Variants in POU2F2 observed in about 807,000 individuals in gnomAD.
POU2F2 encodes POU domain, class 2, transcription factor 2.
Under a neutral mutation model 63.5 loss-of-function variants are expected in POU2F2, and 14 were observed. The observed-to-expected ratio is 0.22, with a 90% CI of 0.15 to 0.34. The LOEUF is 0.34. Ranked by LOEUF, POU2F2 falls within the 10% of genes least tolerant of loss-of-function variation. The pLI is 1.00. For synonymous variants in POU2F2, 306 were observed against 348.6 expected (o/e 0.88, Z 1.36); for missense variants, 607 against 815.2 (o/e 0.74, Z 3.11).
intron 2 of POU2F2, chr19:42,157,148 C>G (rs186175877): frequency 3.9e-5 from 6 of 152,372 alleles, no homozygotes; most frequent in African/African-American, 1.4e-4. Flanking sequence ...GCTGTGAGGA[C>G]TCTAAGGCCA....
In POU2F2 at chr19:42,092,270, A is replaced by G. The variant is rs755730608; in HGVS notation, c.1265T>C (p.Val422Ala). ...SQASSSLSTT[V>A]TTLSSAVGTL... ...CCCCACAGCTGAGGATAAGGTAGTA[A>G]CTGCCAGAGAGAGACAGAAAGATGG... Residue 422 changes from valine (V) to alanine (A), a missense_variant and splice_region_variant, in exon 13 of 15, where the codon GTT becomes GCT. Transcript: ENST00000692977. The surrounding 1 kb of genome is among the most constrained non-coding windows in gnomAD (Gnocchi z 5.0). 6.5e-7 allele frequency: 1 copy of G among 1,548,164 alleles called. No homozygotes were observed. Among genetic ancestry groups the G allele is most frequent in the East Asian group, 2.4e-5 (1 of 41,558 alleles).
intron 5 of POU2F2, among the ~76,000 whole-genome samples, chr19:42,109,440 G>A (rs1600059228): frequency 6.6e-6 from 1 of 152,330 alleles, no homozygotes; most frequent in Non-Finnish European, 1.5e-5. Flanking sequence ...ACAGGAAGGA[G>A]TGGGGTCTGG....
Position 42,096,397 on chromosome 19 carries a change from C to T in POU2F2, c.568-154G>A, listed in dbSNP as rs1025595606. Among the ~76,000 whole-genome samples, 5 of 152,216 alleles carry T rather than the reference C, an allele frequency of 3.3e-5. No individual in the cohort carries two copies. Among genetic ancestry groups the T allele is most frequent in the African/African-American group, 1.2e-4 (5 of 41,440 alleles). On this transcript the variant is annotated intron_variant, in intron 7 of 14. Transcript: ENST00000692977. This position sits in a 1 kb window ranked among gnomAD's most constrained non-coding sequence, Gnocchi z 4.1. ...CTTCCTCCACAAGCACCGTCAATCCCTTTAAAGGTCCCTCCACATGCACTG... is the reference window on the plus strand; with the variant it reads ...CTTCCTCCACAAGCACCGTCAATCCTTTTAAAGGTCCCTCCACATGCACTG...
Position 42,087,226 on chromosome 19 carries a change from C to T in POU2F2, c.*4031G>A, listed in dbSNP as rs960225091. On this transcript the variant is annotated 3_prime_UTR_variant, in exon 15 of 15. Transcript: ENST00000692977. ...ATCTCTCGCACTTGCCTTTCCCACT[C>T]AGAGACCAGTGGGGGCCCGCGTGTC... is the stretch of plus-strand genomic sequence containing the variant. 2 of 151,026 alleles carry T rather than the reference C, an allele frequency of 1.3e-5. No homozygotes were observed. The highest frequency in any genetic ancestry group is 4.9e-5 in the African/African-American group (2 of 40,930). 9.4% of individuals were successfully genotyped at this position (151,026 alleles called of 1,614,324 possible).
intron 2 of POU2F2, among the ~76,000 whole-genome samples, chr19:42,151,235 G>A (rs908624038): frequency 9.9e-5 from 15 of 152,014 alleles, no homozygotes; most frequent in African/African-American, 2.9e-4. Context: ...AGGGAGCATC[G>A]GCCTGACACT....
chr19:42,107,431 G>C (rs2030288967), intron 5 of POU2F2, among the ~76,000 whole-genome samples: 1 of 152,012 alleles, frequency 6.6e-6, no homozygotes, highest in African/African-American at 2.4e-5. Flanking sequence ...ATCATTTATG[G>C]GTTTCTTTAT....
chr19:42,137,878 G>A (rs528875891), intron 2 of POU2F2, among the ~76,000 whole-genome samples: 2 of 152,330 alleles, frequency 1.3e-5, no homozygotes, highest in Admixed American at 1.3e-4. Context: ...AGGAGGCGAT[G>A]GCCCCATGGA....
At position 42,127,363 on chromosome 19, in the gene POU2F2, C is replaced by T. The variant is rs372340883; in HGVS notation, c.29-4787G>A. On this transcript the variant is annotated intron_variant, in intron 1 of 14. Transcript: ENST00000692977. ...CGACCCCCGGACTCATCCTTCAGAA[C>T]CCAGCATAAGCTCTGTTTTCTTTTC... Among the ~76,000 whole-genome samples the T allele has an allele frequency of 3.9e-4, 59 of 151,990 alleles. 1 individual carries two copies. In the East Asian group the frequency reaches 8.3e-3, roughly 21 times the overall value.
At chr19:42,139,588 C>T (rs967389522) in intron 2 of POU2F2, among the ~76,000 whole-genome samples, 3 of 152,126 alleles carry the variant, frequency 2.0e-5, no homozygotes, top group African/African-American at 4.8e-5. Context: ...TACAACCATG[C>T]GCCACCATGC....
At chr19:42,100,336 G>A (rs1029395437) in intron 5 of POU2F2, among the ~76,000 whole-genome samples, 3 of 151,764 alleles carry the variant, frequency 2.0e-5, no homozygotes, top group African/African-American at 4.8e-5. Flanking sequence ...TGATCTGTCC[G>A]CCTTGGCCTC....
At chr19:42,187,456 CAAAAAAAAAAA>C (rs35993667) in intron 1 of POU2F2, among the ~76,000 whole-genome samples, 1 of 48,948 alleles carries the variant, frequency 2.0e-5, no homozygotes, top group African/African-American at 8.3e-5. Flanking sequence ...GACTCTGTCT[CAAAAAAAAAAA>C]AAAAAAAAAA....
chr19:42,086,287 GTACAGGAAGGGAAGGAAGGGGC>G lies in POU2F2; in HGVS notation c.*4948_*4969del, dbSNP rs761052785. Reference sequence around the variant, plus strand: ...GCTACCACGAGAAGAGACGGAGGGGGTACAGGAAGGGAAGGAAGGGGCTACCAACACAGGGGTCAGACGGAAC... The same window carrying G: ...GCTACCACGAGAAGAGACGGAGGGGGTACCAACACAGGGGTCAGACGGAAC... On this transcript the variant is annotated 3_prime_UTR_variant, in exon 15 of 15. Coordinates refer to ENST00000692977, the MANE Select transcript of POU2F2 (RefSeq NM_001394376.1). 6.6e-6 allele frequency: 1 copy of G among 152,242 alleles called. No homozygotes were observed. The highest frequency in any genetic ancestry group is 6.6e-5 in the Admixed American group (1 of 15,260). The allele number at this position is 152,242 out of a possible 1,614,324, so 9.4% of individuals were successfully genotyped here. A position where few individuals can be genotyped will look rare whatever the true frequency, so the allele number is the denominator to read the frequency against.
intron 1 of POU2F2, among the ~76,000 whole-genome samples, chr19:42,194,758 C>CAAAAAAAAAA (rs71167389): frequency 4.6e-5 from 1 of 21,740 alleles, no homozygotes; most frequent in African/African-American, 2.2e-4. Flanking sequence ...GACTCTGTCT[C>CAAAAAAAAAA]AAAAAAAAAA....
intron 2 of POU2F2, among the ~76,000 whole-genome samples, chr19:42,158,593 G>A (rs1214712319): frequency 1.3e-5 from 2 of 152,158 alleles, no homozygotes; most frequent in African/African-American, 2.4e-5. Context: ...CCCAGAACAG[G>A]CCCTTGCACA....
chr19:42,171,118 T>C (rs1008540222), intron 1 of POU2F2, among the ~76,000 whole-genome samples: 2 of 152,242 alleles, frequency 1.3e-5, no homozygotes, highest in African/African-American at 4.8e-5. Context: ...CCTCGGCCCA[T>C]GCCTCAGGGC....
intron 2 of POU2F2, among the ~76,000 whole-genome samples, chr19:42,139,684 C>T (rs952224920): frequency 1.3e-5 from 2 of 152,108 alleles, no homozygotes; most frequent in African/African-American, 4.8e-5. Context: ...AAGTGATCCA[C>T]CCACCTCAGC....
intron 5 of POU2F2, among the ~76,000 whole-genome samples, chr19:42,107,594 C>T (rs1402755786): frequency 6.6e-6 from 1 of 152,088 alleles, no homozygotes; most frequent in African/African-American, 2.4e-5. Flanking sequence ...AGTCTCAGTA[C>T]CGCTAATACT....
intron 1 of POU2F2, among the ~76,000 whole-genome samples, chr19:42,188,951 G>GGAAGGAAGGAAGGAAGGAA (rs2035047140): frequency 6.6e-6 from 1 of 150,410 alleles, no homozygotes; most frequent in Non-Finnish European, 1.5e-5. Context: ...AAGGAAGGAA[G>GGAAGGAAGGAAGGAAGGAA]GGAGTTTTGG....
intron 1 of POU2F2, among the ~76,000 whole-genome samples, chr19:42,127,912 G>A (rs2033351844): frequency 6.6e-6 from 1 of 152,100 alleles, no homozygotes. Context: ...GTGGCCCCAA[G>A]GTCCTGATCT....
Sources: allele counts gnomAD v4.1 joint callset (sites outside exome capture counted in the v4.1 genomes callset), GRCh38; gene constraint gnomAD v4.1.1; non-coding constraint Gnocchi (gnomAD v3.1); transcripts MANE v1.5; gene names NCBI Gene and HGNC (gene_info 2026-07-23, HGNC 2026-07-21).